KRIT1: variants seen among roughly 807,000 people sequenced by gnomAD.
KRIT1 encodes krev interaction trapped protein 1.
Under a neutral mutation model 95.8 loss-of-function variants are expected in KRIT1, and 45 were observed. That is an observed-to-expected ratio of 0.47 (90% CI 0.37 to 0.60). The LOEUF is 0.60. KRIT1 is among the 20% of genes least tolerant of loss of function. KRIT1 has a pLI of 0.00. For missense variants in KRIT1, 788 were observed against 877.5 expected (o/e 0.90, Z 1.29); for synonymous variants, 282 against 278.8 (o/e 1.01, Z -0.11).
intron 14 of KRIT1, among the ~76,000 whole-genome samples, chr7:92,217,620 A>T (rs552924376): frequency 6.6e-6 from 1 of 152,354 alleles, no homozygotes; most frequent in Non-Finnish European, 1.5e-5. Context: ...ATCAGTGAAT[A>T]ATACTCTACT....
rs1478990612 is a variant in KRIT1, at chr7:92,244,099, T to C, written c.-100A>G. Reference sequence around the variant, plus strand: ...ATTACTTTTCACCACAGATTAACAATGACTTCAAGATAATAAACGTTTACA... The same window carrying C: ...ATTACTTTTCACCACAGATTAACAACGACTTCAAGATAATAAACGTTTACA... On this transcript the variant is annotated 5_prime_UTR_variant, in exon 3 of 19. Transcript: ENST00000394505. 2.0e-5 allele frequency: 3 copies of C among 152,158 alleles called. No homozygotes were observed. Among genetic ancestry groups the C allele is most frequent in the Admixed American group, 6.5e-5 (1 of 15,274 alleles). 9.4% of individuals were successfully genotyped at this position (152,158 alleles called of 1,614,324 possible). A position where few individuals can be genotyped will look rare whatever the true frequency, so the allele number is the denominator to read the frequency against.
chr7:92,241,612 A>G (rs1257244396), intron 4 of KRIT1, among the ~76,000 whole-genome samples: 1 of 152,244 alleles, frequency 6.6e-6, no homozygotes, highest in African/African-American at 2.4e-5. Flanking sequence ...ACGATTCAAC[A>G]CTACAGAAAA....
At chr7:92,211,069 TAC>T (rs1262378337) in intron 17 of KRIT1, among the ~76,000 whole-genome samples, 8 of 152,204 alleles carry the variant, frequency 5.3e-5, no homozygotes, top group African/African-American at 1.2e-4. Context: ...GGAACTTTTA[TAC>T]AGAGTTAGTG....
chr7:92,241,887 G>A (rs1013366617), intron 4 of KRIT1, 147 bp downstream of exon 4: 14 of 579,002 alleles, frequency 2.4e-5, no homozygotes, highest in Non-Finnish European at 3.9e-5. Context: ...AAAGGCACGT[G>A]GCAGAAAAAA....
At chr7:92,211,532 G>A (rs1425350037) in intron 17 of KRIT1, among the ~76,000 whole-genome samples, 1 of 152,132 alleles carries the variant, frequency 6.6e-6, no homozygotes, top group African/African-American at 2.4e-5. Context: ...TAGGAATAAG[G>A]AGAGGGTCAG....
In KRIT1 at chr7:92,245,232, G is replaced by A. The variant is rs904105547; in HGVS notation, c.-420-61C>T. On this transcript the variant is annotated intron_variant, in intron 1 of 18. Transcript: ENST00000394505. Reference sequence around the variant, plus strand: ...GAGTTACAGGGGGAGAAGTGAGTTAGAATGACAAGCTGTGAATCCCTTTCC... The same window carrying A: ...GAGTTACAGGGGGAGAAGTGAGTTAAAATGACAAGCTGTGAATCCCTTTCC... 5.9e-5 allele frequency: 9 copies of A among 152,196 alleles called. No individual in the cohort carries two copies. In the East Asian group the frequency reaches 1.7e-3, roughly 29 times the overall value. The allele number at this position is 152,196 out of a possible 1,614,324, so 9.4% of individuals were successfully genotyped here.
chr7:92,230,804 C>G (rs188638699), intron 10 of KRIT1, among the ~76,000 whole-genome samples: 2 of 152,034 alleles, frequency 1.3e-5, no homozygotes, highest in Non-Finnish European at 2.9e-5. Context: ...ACATTTCTGA[C>G]GCCTTAAATT....
At chr7:92,221,096 C>T (rs561512770) in intron 14 of KRIT1, among the ~76,000 whole-genome samples, 2 of 152,220 alleles carry the variant, frequency 1.3e-5, no homozygotes, top group East Asian at 3.9e-4. Context: ...AATGTAAATA[C>T]TATTCTCATT....
chr7:92,218,573 TCTCA>T (rs1218778268), intron 14 of KRIT1, among the ~76,000 whole-genome samples: 1 of 151,806 alleles, frequency 6.6e-6, no homozygotes, highest in African/African-American at 2.4e-5. Context: ...AGAGATGAAG[TCTCA>T]CTATGTTGCC....
chr7:92,215,061 T>C (rs528258958), intron 14 of KRIT1, among the ~76,000 whole-genome samples: 46 of 152,312 alleles, frequency 3.0e-4, no homozygotes, highest in South Asian at 8.3e-4. Flanking sequence ...AATAACACTT[T>C]ATGTAGGAAT....
At chr7:92,227,870 G>T (rs898374287) in intron 10 of KRIT1, among the ~76,000 whole-genome samples, 2 of 152,054 alleles carry the variant, frequency 1.3e-5, no homozygotes, top group African/African-American at 4.8e-5. Flanking sequence ...AAATTAGCTG[G>T]GTGTGGTGGC....
chr7:92,235,752 G>T, intron 7 of KRIT1, 106 bp from the exon 8 acceptor site: 5 of 1,013,484 alleles, frequency 4.9e-6, no homozygotes, highest in South Asian at 2.8e-5. Flanking sequence ...ATTACCTTCA[G>T]ATTTTTATAA....
intron 17 of KRIT1, among the ~76,000 whole-genome samples, chr7:92,212,708 C>G (rs1020751458): frequency 6.6e-6 from 1 of 152,198 alleles, no homozygotes; most frequent in Non-Finnish European, 1.5e-5. Flanking sequence ...ATTAGCCAAT[C>G]AGTCTATAGG....
chr7:92,232,606 C>A (rs1268872990), intron 10 of KRIT1, among the ~76,000 whole-genome samples: 2 of 151,700 alleles, frequency 1.3e-5, no homozygotes, highest in Non-Finnish European at 2.9e-5. Context: ...ACTGCCTTTG[C>A]CTTTTCCAAA....
In KRIT1 at chr7:92,241,980, A is replaced by G. The variant is rs1799765217; in HGVS notation, c.102+54T>C. On this transcript the variant is annotated intron_variant, in intron 4 of 18. Coordinates refer to ENST00000394505, the MANE Select transcript of KRIT1 (RefSeq NM_194454.3). ...TATAATAAGGCTTTATATGTGAATG[A>G]TAATACAGAATGACATTCAATGGTA... is the stretch of plus-strand genomic sequence containing the variant. 7.4e-6 allele frequency: 7 copies of G among 948,172 alleles called. No homozygotes were observed. The Admixed American group carries it at 1.2e-4, about 16-fold the overall frequency. 58.7% of individuals were successfully genotyped at this position (948,172 alleles called of 1,614,324 possible). A position where few individuals can be genotyped will look rare whatever the true frequency, so the allele number is the denominator to read the frequency against.
At position 92,211,627 on chromosome 7, in the gene KRIT1, A is replaced by G. The variant is rs369425805; in HGVS notation, c.2025+1568T>C. ...CTAGGGTGACTATAGTTAATAATTT[A>G]TTGTATATTTCAAAATAGCTAAGAG... is the stretch of plus-strand genomic sequence containing the variant. On this transcript the variant is annotated intron_variant, in intron 17 of 18. Coordinates refer to ENST00000394505, the MANE Select transcript of KRIT1 (RefSeq NM_194454.3). Among the ~76,000 whole-genome samples, 4 of 152,292 alleles carry G rather than the reference A, an allele frequency of 2.6e-5. 1 individual carries two copies.
intron 12 of KRIT1, among the ~76,000 whole-genome samples, chr7:92,223,373 G>A (rs1206195216): frequency 2.7e-5 from 4 of 150,538 alleles, no homozygotes; most frequent in East Asian, 1.9e-4. Context: ...TGAACCCCGG[G>A]AGGAGCTTGC....
chr7:92,212,440 T>C (rs1793056595), intron 17 of KRIT1, among the ~76,000 whole-genome samples: 1 of 152,126 alleles, frequency 6.6e-6, no homozygotes, highest in South Asian at 2.1e-4. Context: ...ACTCCTAAAG[T>C]GATGGTATTG....
intron 13 of KRIT1, among the ~76,000 whole-genome samples, chr7:92,222,468 A>G (rs1795331327): frequency 6.6e-6 from 1 of 152,218 alleles, no homozygotes; most frequent in East Asian, 1.9e-4. Context: ...TTGATTTTAA[A>G]TAGAAAACTA....
Sources: gnomAD v4.1 joint callset for allele counts (sites outside exome capture counted in the v4.1 genomes callset) on GRCh38, gnomAD v4.1.1 for gene constraint, MANE v1.5 for transcripts, NCBI Gene and HGNC (gene_info 2026-07-23, HGNC 2026-07-21) for gene names.